MYO3B: variants seen among roughly 807,000 people sequenced by gnomAD.
MYO3B encodes the protein myosin-IIIb.
Under a neutral mutation model 174.6 loss-of-function variants are expected in MYO3B, and 156 were observed. The observed-to-expected ratio is 0.89, with a 90% CI of 0.78 to 1.02. MYO3B has a LOEUF of 1.02. Ranked by LOEUF, MYO3B falls within the 50% of genes least tolerant of loss-of-function variation. MYO3B has a pLI of 0.00. For missense variants in MYO3B, 1,632 were observed against 1,639.4 expected, an observed-to-expected ratio of 1.00 and a Z score of 0.08; for synonymous variants, 563 against 569.1, an observed-to-expected ratio of 0.99 and a Z score of 0.15.
chr2:170,333,904 G>C (rs2093929117), intron 7 of MYO3B: 1 of 152,198 alleles, frequency 6.6e-6, no homozygotes, highest in Admixed American at 6.5e-5. Context: ...CTGAGGATTA[G>C]ACTCAGCTGC....
chr2:170,598,992 A>G (rs184217043), intron 32 of MYO3B, among the ~76,000 whole-genome samples: 9 of 152,312 alleles, frequency 5.9e-5, no homozygotes, highest in Admixed American at 2.6e-4. Context: ...TTTAAATTCA[A>G]TGCACATTTA....
intron 6 of MYO3B, among the ~76,000 whole-genome samples, chr2:170,225,975 C>G (rs2092947892): frequency 6.6e-6 from 1 of 152,144 alleles, no homozygotes; most frequent in Non-Finnish European, 1.5e-5. Context: ...TAGTCTTTGC[C>G]TTTTAAGGTC....
intron 32 of MYO3B, among the ~76,000 whole-genome samples, chr2:170,650,551 GGTGTGTGTGTCT>G (rs1175297301): frequency 1.3e-5 from 2 of 151,878 alleles, no homozygotes; most frequent in African/African-American, 2.4e-5. Flanking sequence ...CTATGACAGA[GGTGTGTGTGTCT>G]GTGTGTGTGT....
chr2:170,415,487 A>G (rs985995713), intron 22 of MYO3B, among the ~76,000 whole-genome samples: 3 of 152,208 alleles, frequency 2.0e-5, no homozygotes, highest in Non-Finnish European at 2.9e-5. Context: ...GTAAGCTCCA[A>G]GAAGGTAGGG....
At chr2:170,443,856 C>A in intron 22 of MYO3B, 111 bp from the exon 23 acceptor site, 3 of 700,678 alleles carry the variant, frequency 4.3e-6, no homozygotes, top group Non-Finnish European at 6.6e-6. Flanking sequence ...AAATTCAGAG[C>A]AGATTGTTTT....
intron 22 of MYO3B, among the ~76,000 whole-genome samples, chr2:170,421,959 T>A (rs1445936162): frequency 6.6e-6 from 1 of 152,244 alleles, no homozygotes; most frequent in Non-Finnish European, 1.5e-5. Flanking sequence ...CAGTTTCTCC[T>A]ACCCTCTCAG....
chr2:170,567,342 A>C (rs1275002245), intron 32 of MYO3B, among the ~76,000 whole-genome samples: 2 of 152,244 alleles, frequency 1.3e-5, no homozygotes, highest in African/African-American at 4.8e-5. Flanking sequence ...TTTCTTTAAG[A>C]TTCTCAGCTA....
At chr2:170,494,122 C>T (rs1297201136) in intron 25 of MYO3B, among the ~76,000 whole-genome samples, 2 of 152,194 alleles carry the variant, frequency 1.3e-5, no homozygotes, top group African/African-American at 4.8e-5. Flanking sequence ...ACAAACATAT[C>T]CTGGAATCTT....
At chr2:170,597,243 C>T (rs942757192) in intron 32 of MYO3B, among the ~76,000 whole-genome samples, 1 of 151,982 alleles carries the variant, frequency 6.6e-6, no homozygotes, top group Admixed American at 6.6e-5. Context: ...CATGGTGGCA[C>T]ACCTGTAATC....
intron 25 of MYO3B, among the ~76,000 whole-genome samples, chr2:170,492,121 C>A (rs1279482401): frequency 6.6e-6 from 1 of 152,086 alleles, no homozygotes; most frequent in African/African-American, 2.4e-5. Context: ...CTAATATTTC[C>A]TCACTATGAA....
At chr2:170,541,184 T>G (rs966896090) in intron 30 of MYO3B, among the ~76,000 whole-genome samples, 1 of 152,178 alleles carries the variant, frequency 6.6e-6, no homozygotes, top group Non-Finnish European at 1.5e-5. Flanking sequence ...GTTCATTTTT[T>G]GAGGGGTCAG....
chr2:170,532,692 T>C (rs1689431086), intron 30 of MYO3B, among the ~76,000 whole-genome samples: 1 of 151,892 alleles, frequency 6.6e-6, no homozygotes, highest in South Asian at 2.1e-4. Context: ...GGCAGATGCC[T>C]GTAATCCCAG....
chr2:170,452,317 G>A (rs529743628), intron 23 of MYO3B, among the ~76,000 whole-genome samples: 2 of 152,248 alleles, frequency 1.3e-5, no homozygotes, highest in South Asian at 4.1e-4. Flanking sequence ...TCCAGAATGG[G>A]GTCTGTGGTG....
At chr2:170,508,704 C>T (rs1035825382) in intron 28 of MYO3B, among the ~76,000 whole-genome samples, 1 of 152,190 alleles carries the variant, frequency 6.6e-6, no homozygotes, top group Non-Finnish European at 1.5e-5. Flanking sequence ...AAATAAGGTA[C>T]CAGTCAAAGC....
At chr2:170,499,226 C>T (rs1318508998) in intron 26 of MYO3B, among the ~76,000 whole-genome samples, 1 of 152,202 alleles carries the variant, frequency 6.6e-6, no homozygotes, top group Non-Finnish European at 1.5e-5. Context: ...CACTGCTCCT[C>T]CTCAGCAGAA....
At position 170,473,134 on chromosome 2, in the gene MYO3B, CTTTTCTTTTTTTTTTTTTTTT is replaced by C. The variant is rs1378642570; in HGVS notation, c.3014+6428_3014+6448del. 6.5e-3 allele frequency among the ~76,000 whole-genome samples: 758 copies of C among 115,992 alleles called. 5 individuals carry two copies. The highest frequency in any genetic ancestry group is 0.025 in the African/African-American group (713 of 29,026). 76.1% of individuals were successfully genotyped at this position (115,992 alleles called of 152,430 possible). A position where few individuals can be genotyped will look rare whatever the true frequency, so the allele number is the denominator to read the frequency against. ...CTATTTTCTTTTTCTTTTTCTTTTT[CTTTTCTTTTTTTTTTTTTTTT>C]TTTTTGAGATGGAGTCTCACTCTGT... On this transcript the variant is annotated intron_variant, in intron 25 of 34. Coordinates refer to ENST00000408978, the MANE Select transcript of MYO3B (RefSeq NM_138995.5).
At chr2:170,190,191 A>G (rs188191109) in intron 1 of MYO3B, among the ~76,000 whole-genome samples, 2 of 152,056 alleles carry the variant, frequency 1.3e-5, no homozygotes, top group Admixed American at 6.6e-5. Flanking sequence ...CTTTCTCCCA[A>G]ACAAACAGAG....
chr2:170,546,926 G>A (rs1246598986), intron 32 of MYO3B, among the ~76,000 whole-genome samples: 3 of 152,018 alleles, frequency 2.0e-5, no homozygotes, highest in East Asian at 1.9e-4. Context: ...TGAGAGGCAG[G>A]GAATAAATCT....
chr2:170,258,153 C>A (rs2093318898), intron 7 of MYO3B, among the ~76,000 whole-genome samples: 1 of 152,106 alleles, frequency 6.6e-6, no homozygotes, highest in African/African-American at 2.4e-5. Flanking sequence ...AGACAAAGAG[C>A]TGGTACCAAT....
Sources: gnomAD v4.1 joint callset for allele counts (sites outside exome capture counted in the v4.1 genomes callset) on GRCh38, gnomAD v4.1.1 for gene constraint, MANE v1.5 for transcripts, NCBI Gene and HGNC (gene_info 2026-07-23, HGNC 2026-07-21) for gene names.